The following TTLL11 variants were observed in gnomAD, a reference collection of about 807,000 sequenced individuals.
The protein encoded by TTLL11 is tubulin polyglutamylase TTLL11.
Under a neutral mutation model 51.7 loss-of-function variants are expected in TTLL11, and 42 were observed. The observed-to-expected ratio is 0.81, with a 90% CI of 0.64 to 1.05. TTLL11 has a LOEUF of 1.05. Among genes scored for constraint, TTLL11 ranks in the 50% least tolerant of loss-of-function variants. The pLI, the probability that TTLL11 is intolerant of heterozygous loss-of-function variation, is 0.00. For synonymous variants in TTLL11, 381 were observed against 383.5 expected, an observed-to-expected ratio of 0.99 and a Z score of 0.08; for missense variants, 799 against 940.4, an observed-to-expected ratio of 0.85 and a Z score of 1.97.
At chr9:122,076,162 G>T (rs1263789631) in intron 1 of TTLL11, among the ~76,000 whole-genome samples, 1 of 152,102 alleles carries the variant, frequency 6.6e-6, no homozygotes, top group Non-Finnish European at 1.5e-5. Context: ...CTGTCCCAGG[G>T]CCAACACCTC....
At chr9:121,837,845 T>C (rs1837223458) in intron 8 of TTLL11, among the ~76,000 whole-genome samples, 1 of 152,096 alleles carries the variant, frequency 6.6e-6, no homozygotes, top group Admixed American at 6.5e-5. Flanking sequence ...AGCTCTGAGC[T>C]CCTCTTGGCT....
At chr9:122,055,903 T>C (rs574727715) in intron 1 of TTLL11, among the ~76,000 whole-genome samples, 1 of 152,336 alleles carries the variant, frequency 6.6e-6, no homozygotes, top group East Asian at 1.9e-4. Flanking sequence ...GCAAACTGCA[T>C]GGGCAAAGAC....
chr9:121,869,733 T>C (rs370283617), intron 7 of TTLL11, among the ~76,000 whole-genome samples: 2 of 152,208 alleles, frequency 1.3e-5, no homozygotes, highest in Admixed American at 1.3e-4. Context: ...TTACACACAC[T>C]ATTGTAGGGC....
At chr9:121,964,208 A>C (rs913428297) in intron 6 of TTLL11, among the ~76,000 whole-genome samples, 1 of 151,974 alleles carries the variant, frequency 6.6e-6, no homozygotes, top group South Asian at 2.1e-4. Context: ...GCCAGGGACT[A>C]AGAATAAAGA....
At chr9:121,963,264 C>T (rs539200181) in intron 6 of TTLL11, among the ~76,000 whole-genome samples, 1 of 152,298 alleles carries the variant, frequency 6.6e-6, no homozygotes, top group African/African-American at 2.4e-5. Context: ...AACTATTATT[C>T]CCCTTTTTTT....
At chr9:122,027,467 GA>G (rs1375738093) in intron 3 of TTLL11, among the ~76,000 whole-genome samples, 3 of 152,110 alleles carry the variant, frequency 2.0e-5, no homozygotes, top group Non-Finnish European at 4.4e-5. Flanking sequence ...TCCTGTACCA[GA>G]AAAAGGACAT....
chr9:121,935,580 A>C (rs1374722211), intron 6 of TTLL11, among the ~76,000 whole-genome samples: 1 of 152,234 alleles, frequency 6.6e-6, no homozygotes, highest in Non-Finnish European at 1.5e-5. Flanking sequence ...ATTAGATTTT[A>C]GTTTTGAAAA....
chr9:121,918,063 G>A (rs909734162), intron 6 of TTLL11, among the ~76,000 whole-genome samples: 20 of 152,084 alleles, frequency 1.3e-4, no homozygotes, highest in African/African-American at 4.6e-4. Flanking sequence ...GGTGGGCCTC[G>A]GTTTACCCAG....
At chr9:121,912,478 G>A (rs1414633202) in intron 6 of TTLL11, among the ~76,000 whole-genome samples, 2 of 149,748 alleles carry the variant, frequency 1.3e-5, no homozygotes, top group Admixed American at 6.8e-5. Context: ...CCTTCTGCTC[G>A]GAATGCCCCT....
chr9:121,987,264 T>C (rs1270411698), intron 4 of TTLL11, among the ~76,000 whole-genome samples: 1 of 152,168 alleles, frequency 6.6e-6, no homozygotes, highest in African/African-American at 2.4e-5. Context: ...TTTTGTTGTT[T>C]GGCTTCATGG....
intron 6 of TTLL11, among the ~76,000 whole-genome samples, chr9:121,876,664 C>A (rs1161738045): frequency 6.6e-6 from 1 of 152,218 alleles, no homozygotes; most frequent in Non-Finnish European, 1.5e-5. Context: ...ACGAATAAAT[C>A]TGCCAGCACT....
rs185205125 is a variant in TTLL11, at chr9:121,977,131, T to G, written c.1270-2152A>C. On this transcript the variant is annotated intron_variant, in intron 4 of 8. Transcript: ENST00000321582. Reference sequence around the variant, plus strand: ...ATGCTGGGAGCTGGAGCAGGGGTGTTAAAGCCTCATCAGCCCTGTCTACAC... The same window carrying G: ...ATGCTGGGAGCTGGAGCAGGGGTGTGAAAGCCTCATCAGCCCTGTCTACAC... 2.6e-5 allele frequency among the ~76,000 whole-genome samples: 4 copies of G among 152,254 alleles called. No individual in the cohort carries two copies. The East Asian group carries it at 7.7e-4, about 29-fold the overall frequency.
At chr9:121,951,540 A>G (rs1178989898) in intron 6 of TTLL11, among the ~76,000 whole-genome samples, 2 of 152,066 alleles carry the variant, frequency 1.3e-5, no homozygotes, top group Non-Finnish European at 2.9e-5. Context: ...TTTATGGAGC[A>G]CTCATCATGG....
chr9:122,028,752 A>G (rs577350378), intron 3 of TTLL11, among the ~76,000 whole-genome samples: 34 of 152,340 alleles, frequency 2.2e-4, no homozygotes, highest in African/African-American at 7.5e-4. Context: ...AACACTCATC[A>G]AGATGGACAA....
intron 6 of TTLL11, among the ~76,000 whole-genome samples, chr9:121,960,213 G>A (rs1842171934): frequency 6.6e-6 from 1 of 152,108 alleles, no homozygotes; most frequent in Non-Finnish European, 1.5e-5. Flanking sequence ...GAACTGTACT[G>A]TAGATGTTCT....
intron 6 of TTLL11, among the ~76,000 whole-genome samples, chr9:121,887,689 A>G (rs1241218075): frequency 6.6e-6 from 1 of 152,230 alleles, no homozygotes; most frequent in Non-Finnish European, 1.5e-5. Context: ...GAGAGCTGGG[A>G]CACTTTCCCA....
In TTLL11 at chr9:122,037,380, C is replaced by A. The variant is rs143388596; in HGVS notation, c.559+1892G>T. 2.1e-4 allele frequency among the ~76,000 whole-genome samples: 32 copies of A among 152,314 alleles called. No individual in the cohort carries two copies. The South Asian group carries it at 4.3e-3, about 21-fold the overall frequency. On this transcript the variant is annotated intron_variant, in intron 2 of 8. Transcript: ENST00000321582. The stretch of plus-strand genomic sequence containing the variant: ...TTGTTCTGTAACAAAACCCTTTCTC[C>A]TTCTCTAAGGATAAATTTGACCTTG...
chr9:122,021,083 C>A (rs971584572), intron 3 of TTLL11, among the ~76,000 whole-genome samples: 1 of 148,838 alleles, frequency 6.7e-6, no homozygotes, highest in African/African-American at 2.6e-5. Context: ...TGCCCCGCAT[C>A]GCTCGAGCAA....
intron 8 of TTLL11, among the ~76,000 whole-genome samples, chr9:121,848,083 T>C (rs1026475329): frequency 2.0e-5 from 3 of 152,120 alleles, no homozygotes; most frequent in African/African-American, 7.2e-5. Flanking sequence ...GGCACATGCC[T>C]GTAGCCCTAA....
Sources: gnomAD v4.1 joint callset for allele counts (sites outside exome capture counted in the v4.1 genomes callset) on GRCh38, gnomAD v4.1.1 for gene constraint, MANE v1.5 for transcripts, NCBI Gene and HGNC (gene_info 2026-07-23, HGNC 2026-07-21) for gene names.